Variants in UNC5C observed in about 807,000 individuals in gnomAD.
UNC5C encodes the protein netrin receptor UNC5C.
UNC5C carries 47 observed loss-of-function variants against 99.8 expected under a neutral mutation model. The ratio of observed to expected loss-of-function variants is 0.47; its 90% CI spans 0.37 to 0.60. UNC5C has a LOEUF of 0.60. Among genes scored for constraint, UNC5C ranks in the 20% least tolerant of loss-of-function variants. The pLI is 0.00. For missense variants in UNC5C, 1,062 were observed against 1,165.9 expected, an observed-to-expected ratio of 0.91 and a Z score of 1.30; for synonymous variants, 487 against 452.2, an observed-to-expected ratio of 1.08 and a Z score of -0.98.
chr4:95,180,918 T>C (rs1419056852), intron 14 of UNC5C, among the ~76,000 whole-genome samples: 1 of 152,194 alleles, frequency 6.6e-6, no homozygotes, highest in Non-Finnish European at 1.5e-5. Flanking sequence ...TCAATCATCT[T>C]GTACCCTTTC....
chr4:95,242,321 T>G (rs1385757661), intron 7 of UNC5C, 108 bp downstream of exon 7: 1 of 1,450,306 alleles, frequency 6.9e-7, no homozygotes, highest in Non-Finnish European at 9.3e-7. Context: ...TGTTATTGCA[T>G]TTTATTGTTG....
chr4:95,361,346 T>A (rs1488641580), intron 1 of UNC5C, among the ~76,000 whole-genome samples: 1 of 152,202 alleles, frequency 6.6e-6, no homozygotes, highest in Non-Finnish European at 1.5e-5. Flanking sequence ...TCCCTTTAAC[T>A]CTCTCTTCTT....
intron 1 of UNC5C, among the ~76,000 whole-genome samples, chr4:95,404,897 G>A (rs539021468): frequency 9.2e-5 from 14 of 152,238 alleles, no homozygotes; most frequent in Middle Eastern, 3.4e-3. Context: ...AGATCTGAAC[G>A]CCGAGAGGAG....
chr4:95,293,689 C>G (rs747095556), intron 3 of UNC5C, among the ~76,000 whole-genome samples: 3 of 152,134 alleles, frequency 2.0e-5, no homozygotes, highest in African/African-American at 4.8e-5. Flanking sequence ...CTTGTCTCCT[C>G]CTCCCTTCTT....
At chr4:95,298,810 G>A (rs1019411996) in intron 3 of UNC5C, among the ~76,000 whole-genome samples, 2 of 152,142 alleles carry the variant, frequency 1.3e-5, no homozygotes, top group Non-Finnish European at 2.9e-5. Flanking sequence ...CAAGAACAGA[G>A]TGAATCTTCA....
Position 95,169,267 on chromosome 4 carries a change from C to G in UNC5C, c.2763G>C (p.Thr921=). The change falls in exon 16 of 16, where the codon ACG becomes ACC. Residue 921 remains threonine (T), a synonymous_variant. Coordinates refer to ENST00000453304, the MANE Select transcript of UNC5C (RefSeq NM_003728.4). The part of the protein sequence containing the change: ...AVLEEMGRHE[T]VVSLAAEGQY ...GCCCTTCTGCTGCTAAGGACACCAC[C>G]GTTTCATGTCTTCCCATTTCTTCCA... The G allele has an allele frequency of 6.2e-7, 1 of 1,614,136 alleles. No homozygotes were observed. The highest frequency in any genetic ancestry group is 8.5e-7 in the Non-Finnish European group (1 of 1,180,034).
intron 2 of UNC5C, among the ~76,000 whole-genome samples, chr4:95,330,108 T>C (rs1743054087): frequency 6.6e-6 from 1 of 152,188 alleles, no homozygotes. Context: ...TTCTAGGTAA[T>C]GTAATAGGTA....
intron 1 of UNC5C, among the ~76,000 whole-genome samples, chr4:95,378,830 C>T (rs141008786): frequency 7.9e-4 from 121 of 152,230 alleles, no homozygotes; most frequent in African/African-American, 2.8e-3. Flanking sequence ...TTTAAAGTTG[C>T]TTAGAAGTAG....
chr4:95,416,183 C>A (rs1015444002), intron 1 of UNC5C, among the ~76,000 whole-genome samples: 8 of 152,132 alleles, frequency 5.3e-5, no homozygotes, highest in African/African-American at 1.9e-4. Flanking sequence ...ACAGAATGGG[C>A]TGGCTGGTCA....
intron 1 of UNC5C, among the ~76,000 whole-genome samples, chr4:95,448,327 T>A (rs1008051257): frequency 2.7e-5 from 4 of 149,236 alleles, no homozygotes; most frequent in African/African-American, 7.4e-5. Context: ...TAGCCACACA[T>A]GCAACATTTG....
intron 10 of UNC5C, among the ~76,000 whole-genome samples, chr4:95,213,254 A>G (rs1297722918): frequency 6.6e-6 from 1 of 152,272 alleles, no homozygotes; most frequent in East Asian, 1.9e-4. Context: ...TTGTTTTCCA[A>G]CAAGAATCAA....
At chr4:95,384,516 C>T (rs192402444) in intron 1 of UNC5C, among the ~76,000 whole-genome samples, 10 of 152,192 alleles carry the variant, frequency 6.6e-5, no homozygotes, top group Admixed American at 3.3e-4. Flanking sequence ...GTACGAAGAA[C>T]GTCCAGGAGT....
intron 1 of UNC5C, among the ~76,000 whole-genome samples, chr4:95,465,679 T>C (rs1747751171): frequency 6.6e-6 from 1 of 152,148 alleles, no homozygotes; most frequent in Non-Finnish European, 1.5e-5. Context: ...TTTTAGGATC[T>C]ACAGCAATTT....
intron 1 of UNC5C, among the ~76,000 whole-genome samples, chr4:95,369,403 T>C (rs1203318196): frequency 6.6e-6 from 1 of 151,270 alleles, no homozygotes; most frequent in Non-Finnish European, 1.5e-5. Flanking sequence ...AATATAAAAA[T>C]TAGCTGGGTG....
At chr4:95,539,965 T>C (rs531183442) in intron 1 of UNC5C, among the ~76,000 whole-genome samples, 80 of 152,084 alleles carry the variant, frequency 5.3e-4, no homozygotes, top group Middle Eastern at 3.4e-3. Flanking sequence ...TAAACTATAA[T>C]ATTTTTCACT....
intron 1 of UNC5C, among the ~76,000 whole-genome samples, chr4:95,416,226 T>A (rs779366961): frequency 3.5e-4 from 53 of 152,264 alleles, no homozygotes; most frequent in South Asian, 1.5e-3. Context: ...TCAGTATTAC[T>A]TTAGGGACTA....
At chr4:95,508,078 G>A (rs968925640) in intron 1 of UNC5C, among the ~76,000 whole-genome samples, 2 of 151,818 alleles carry the variant, frequency 1.3e-5, no homozygotes, top group Non-Finnish European at 2.9e-5. Flanking sequence ...CCAGTCTTCT[G>A]CTTCTTGGAT....
At chr4:95,332,737 A>C (rs1208307833) in intron 2 of UNC5C, among the ~76,000 whole-genome samples, 2 of 150,452 alleles carry the variant, frequency 1.3e-5, no homozygotes, top group Admixed American at 6.7e-5. Flanking sequence ...TAATTAAACT[A>C]AAGAGCTTCT....
chr4:95,324,498 C>A (rs1742816075), intron 2 of UNC5C, among the ~76,000 whole-genome samples: 1 of 152,142 alleles, frequency 6.6e-6, no homozygotes. Flanking sequence ...ATCCCTAAAT[C>A]ATCCCCCTCC....
Sources: gnomAD v4.1 joint callset for allele counts (sites outside exome capture counted in the v4.1 genomes callset) on GRCh38, gnomAD v4.1.1 for gene constraint, MANE v1.5 for transcripts, NCBI Gene and HGNC (gene_info 2026-07-23, HGNC 2026-07-21) for gene names.